The following GRM6 variants were observed in gnomAD, a reference collection of about 807,000 sequenced individuals.
GRM6 encodes the protein metabotropic glutamate receptor 6.
A neutral mutation model predicts 78.4 loss-of-function variants in GRM6; 73 were observed. That is an observed-to-expected ratio of 0.93 (90% CI 0.77 to 1.13). GRM6 has a LOEUF of 1.13. Ranked by LOEUF, GRM6 falls within the 50% of genes most tolerant of loss-of-function variation. The pLI, the probability that GRM6 is intolerant of heterozygous loss-of-function variation, is 0.00. For synonymous variants in GRM6, 580 were observed against 555.0 expected (o/e 1.05, Z -0.63); for missense variants, 1,251 against 1,256.4 (o/e 1.00, Z 0.07).
At position 178,981,970 on chromosome 5, in the gene GRM6, T is replaced by G; in HGVS notation, c.2437-116A>C. The G allele has an allele frequency of 1.2e-6, 1 of 811,142 alleles. No homozygotes were observed. Among genetic ancestry groups the G allele is most frequent in the Non-Finnish European group, 2.2e-6 (1 of 456,840 alleles). The allele number at this position is 811,142 out of a possible 1,614,324, so 50.2% of individuals were successfully genotyped here. On this transcript the variant is annotated intron_variant, in intron 10 of 10. Transcript: ENST00000517717. This position sits in a 1 kb window ranked among gnomAD's most constrained non-coding sequence, Gnocchi z 5.1. ...TCTGTTTCAGTTGGGGAACTGGGAA[T>G]GAGCACTTAGACCAGGACAACAGTA...
In GRM6 at chr5:178,985,669, C is replaced by T. The variant is rs144723153; in HGVS notation, c.2124+461G>A. The T allele has an allele frequency of 1.3e-3, 519 of 401,610 alleles. 7 individuals carry two copies. The highest frequency in any genetic ancestry group is 1.9e-3 in the Non-Finnish European group (385 of 206,274). The allele number at this position is 401,610 out of a possible 1,614,324, so 24.9% of individuals were successfully genotyped here. Reference sequence around the variant, plus strand: ...AGGGAGCTGAGATAGTGCCACTGCACTCCAGCCTGGGCGACACAGCGAGAC... The same window carrying T: ...AGGGAGCTGAGATAGTGCCACTGCATTCCAGCCTGGGCGACACAGCGAGAC... On this transcript the variant is annotated intron_variant, in intron 9 of 10. Transcript: ENST00000517717.
chr5:178,995,086 T>C, intron 1 of GRM6, 126 bp from the exon 2 acceptor site: 1 of 399,612 alleles, frequency 2.5e-6, no homozygotes, highest in Non-Finnish European at 3.6e-6. Context: ...CCACTTCGGC[T>C]CTGGGGAGTT....
rs1253947950 is a variant in GRM6, at chr5:178,979,437, A to G, written c.*2220T>C. Reference sequence around the variant, plus strand: ...TGTCCCCCTGTACCCAGAATGGTGCATGCTGTGGAGATACCCTGCAAGTAG... The same window carrying G: ...TGTCCCCCTGTACCCAGAATGGTGCGTGCTGTGGAGATACCCTGCAAGTAG... On this transcript the variant is annotated 3_prime_UTR_variant, in exon 11 of 11. Coordinates refer to ENST00000517717, the MANE Select transcript of GRM6 (RefSeq NM_000843.4). 1 of 152,234 alleles carries G rather than the reference A, an allele frequency of 6.6e-6. No homozygotes were observed. The highest frequency in any genetic ancestry group is 1.5e-5 in the Non-Finnish European group (1 of 68,052). The allele number at this position is 152,234 out of a possible 1,614,324, so 9.4% of individuals were successfully genotyped here.
At chr5:178,985,542 A>C (rs1760504908) in intron 9 of GRM6, 2 of 337,562 alleles carry the variant, frequency 5.9e-6, no homozygotes, top group South Asian at 2.3e-5. Context: ...TCTCTACTAA[A>C]AATACAAAAA....
intron 7 of GRM6, 57 bp from the exon 8 acceptor site, chr5:178,987,040 TG>T: frequency 1.3e-6 from 2 of 1,561,024 alleles, no homozygotes. Flanking sequence ...GCTGGCCTCC[TG>T]GGGAGGCCCC....
chr5:178,992,541 G>A lies in GRM6; in HGVS notation c.505-458C>T. ...AGGGATTAGGGCAGACAGGGGAGCA[G>A]CAGGGGATGTTCCATTTAAAGCTGT... On this transcript the variant is annotated intron_variant, in intron 2 of 10. Coordinates refer to ENST00000517717, the MANE Select transcript of GRM6 (RefSeq NM_000843.4). This position sits in a 1 kb window ranked among gnomAD's most constrained non-coding sequence, Gnocchi z 4.9. 3.1e-6 allele frequency: 1 copy of A among 318,876 alleles called. No homozygotes were observed. Among genetic ancestry groups the A allele is most frequent in the South Asian group, 2.7e-5 (1 of 36,702 alleles). 19.8% of individuals were successfully genotyped at this position (318,876 alleles called of 1,614,324 possible). A position where few individuals can be genotyped will look rare whatever the true frequency, so the allele number is the denominator to read the frequency against.
chr5:178,978,434 A>G lies in GRM6; in HGVS notation c.*3223T>C, dbSNP rs1760329051. ...TAATAAATTAAAGGGAAATTTCTAA[A>G]GAGCAAAAAGGATAAGAAATGGGAC... is the stretch of plus-strand genomic sequence containing the variant. On this transcript the variant is annotated 3_prime_UTR_variant, in exon 11 of 11. Transcript: ENST00000517717. 1 of 152,248 alleles carries G rather than the reference A, an allele frequency of 6.6e-6. No individual in the cohort carries two copies. 9.4% of individuals were successfully genotyped at this position (152,248 alleles called of 1,614,324 possible). A position where few individuals can be genotyped will look rare whatever the true frequency, so the allele number is the denominator to read the frequency against.
At chr5:178,982,699 A>C in intron 10 of GRM6, 1 of 404,890 alleles carries the variant, frequency 2.5e-6, no homozygotes, top group South Asian at 4.4e-5. Context: ...TGATAAAAAA[A>C]AAAAAGAAAA....
intron 5 of GRM6, chr5:178,989,734 T>C: frequency 2.4e-6 from 1 of 417,864 alleles, no homozygotes; most frequent in South Asian, 2.2e-5. Flanking sequence ...CCCTGCTCCT[T>C]CTTTCCTGTT....
intron 1 of GRM6, 91 bp downstream of exon 1, chr5:178,995,185 C>T (rs1760753176): frequency 1.1e-5 from 2 of 184,352 alleles, no homozygotes; most frequent in Non-Finnish European, 2.2e-5. Context: ...TGCCTCCACC[C>T]CTCCAGCCCT....
At chr5:178,985,478 C>A (rs111895776) in intron 9 of GRM6, 23 of 339,296 alleles carry the variant, frequency 6.8e-5, no homozygotes, top group East Asian at 5.1e-4. Context: ...CCGAGGTGGG[C>A]GGATCACGAG....
intron 9 of GRM6, chr5:178,985,858 C>A: frequency 1.8e-6 from 1 of 546,202 alleles, no homozygotes; most frequent in South Asian, 1.9e-5. Flanking sequence ...AACTCTTGGG[C>A]TCAAGCGATC....
Position 178,981,869 on chromosome 5 carries a change from AG to A in GRM6, c.2437-16del. The A allele has an allele frequency of 6.4e-7, 1 of 1,554,044 alleles. No homozygotes were observed. The highest frequency in any genetic ancestry group is 8.9e-7 in the Non-Finnish European group (1 of 1,125,682). On this transcript the variant is annotated splice_polypyrimidine_tract_variant and intron_variant, in intron 10 of 10. Transcript: ENST00000517717. This position sits in a 1 kb window ranked among gnomAD's most constrained non-coding sequence, Gnocchi z 5.1. Reference sequence around the variant, plus strand: ...TGGATGTAGATCTAGGCCATGGAAGAGGGGACCAGATGGGACTCAGCCCTGC... The same window carrying A: ...TGGATGTAGATCTAGGCCATGGAAGAGGGACCAGATGGGACTCAGCCCTGC...
chr5:178,991,695 T>C lies in GRM6; in HGVS notation c.722-136A>G, dbSNP rs1159977339. 3 of 1,220,704 alleles carry C rather than the reference T, an allele frequency of 2.5e-6. No individual in the cohort carries two copies. The highest frequency in any genetic ancestry group is 3.5e-5 in the Admixed American group (2 of 57,772). The allele number at this position is 1,220,704 out of a possible 1,614,324, so 75.6% of individuals were successfully genotyped here. On this transcript the variant is annotated intron_variant, in intron 3 of 10. Transcript: ENST00000517717. The surrounding 1 kb of genome is among the most constrained non-coding windows in gnomAD (Gnocchi z 5.0). The stretch of plus-strand genomic sequence containing the variant: ...TCTGGCCTGCACCCTCCGCCAAGCC[T>C]GAGGCAGGGCTGAGTCGTCCAAAAC...
At chr5:178,985,671 C>G (rs1223127997) in intron 9 of GRM6, 4 of 401,502 alleles carry the variant, frequency 1.0e-5, no homozygotes, top group East Asian at 1.5e-4. Flanking sequence ...CCACTGCACT[C>G]CAGCCTGGGC....
At chr5:178,983,530 G>C (rs1333200109) in intron 9 of GRM6, 1 of 576,974 alleles carries the variant, frequency 1.7e-6, no homozygotes, top group Non-Finnish European at 3.3e-6. Context: ...TCCTCTTCCT[G>C]CATTCTAGCC....
At chr5:178,987,057 C>A (rs1282228017) in intron 7 of GRM6, 74 bp from the exon 8 acceptor site, 13 of 1,479,220 alleles carry the variant, frequency 8.8e-6, no homozygotes, top group Middle Eastern at 1.7e-4. Context: ...GCCCCAGGGA[C>A]CAGCAGGAGA....
rs1379850516 is a variant in GRM6, at chr5:178,994,663, C to A, written c.282G>T (p.Arg94=). 1.4e-6 allele frequency: 2 copies of A among 1,467,828 alleles called. No homozygotes were observed. The highest frequency in any genetic ancestry group is 1.8e-6 in the Non-Finnish European group (2 of 1,112,870). The allele number at this position is 1,467,828 out of a possible 1,614,324, so 90.9% of individuals were successfully genotyped here. A position where few individuals can be genotyped will look rare whatever the true frequency, so the allele number is the denominator to read the frequency against. Residue 94 remains arginine, a synonymous_variant, in exon 2 of 11, where the codon CGG becomes CGT. Coordinates refer to ENST00000517717, the MANE Select transcript of GRM6 (RefSeq NM_000843.4). The part of the protein sequence containing the change: ...ELLPGVRLGA[R]LLDTCSRDTY... ...TGTCCCGCGAGCAGGTGTCCAGCAG[C>A]CGCGCGCCCAGGCGCACGCCGGGCA...
Position 178,994,550 on chromosome 5 carries a change from C to A in GRM6, c.395G>T (p.Gly132Val). The change falls in exon 2 of 11, where the codon GGA (glycine) becomes GTA (valine). Residue 132 changes from glycine to valine, a missense_variant. Coordinates refer to ENST00000517717, the MANE Select transcript of GRM6 (RefSeq NM_000843.4). ...DGDEVGVRCP[G>V]GVPPLRPAPP... is the part of the protein sequence containing the mutation. ...CGCGGGGCGCAGCGGAGGGACGCCT[C>A]CCGGGCAGCGCACGCCCACCTCGTC... is the stretch of plus-strand genomic sequence containing the variant. 3.7e-6 allele frequency: 5 copies of A among 1,354,178 alleles called. No individual in the cohort carries two copies. The highest frequency in any genetic ancestry group is 4.7e-6 in the Non-Finnish European group (5 of 1,059,798). The allele number at this position is 1,354,178 out of a possible 1,614,324, so 83.9% of individuals were successfully genotyped here.
Sources: gnomAD v4.1 joint callset for allele counts on GRCh38, gnomAD v4.1.1 for gene constraint, Gnocchi (gnomAD v3.1) non-coding constraint, MANE v1.5 for transcripts, NCBI Gene and HGNC (gene_info 2026-07-23, HGNC 2026-07-21) for gene names.